The following CAMTA1 variants were observed in gnomAD, a reference collection of about 807,000 sequenced individuals.
CAMTA1 encodes calmodulin-binding transcription activator 1.
A neutral mutation model predicts 170.9 loss-of-function variants in CAMTA1; 27 were observed. The ratio of observed to expected loss-of-function variants is 0.16; its 90% CI spans 0.12 to 0.22. CAMTA1 has a LOEUF of 0.22. Among genes scored for constraint, CAMTA1 ranks in the 10% least tolerant of loss-of-function variants. The pLI, the probability that CAMTA1 is intolerant of heterozygous loss-of-function variation, is 1.00. For missense variants in CAMTA1, 1,619 were observed against 2,217.2 expected, an observed-to-expected ratio of 0.73 and a Z score of 5.42; for synonymous variants, 833 against 891.5, an observed-to-expected ratio of 0.93 and a Z score of 1.17.
chr1:6,960,645 C>T (rs1291317086), intron 3 of CAMTA1, among the ~76,000 whole-genome samples: 1 of 152,218 alleles, frequency 6.6e-6, no homozygotes, highest in African/African-American at 2.4e-5. Context: ...TCACATCGGA[C>T]ACGGATTTAT....
At chr1:6,890,062 G>T (rs1469338011) in intron 3 of CAMTA1, among the ~76,000 whole-genome samples, 1 of 152,190 alleles carries the variant, frequency 6.6e-6, no homozygotes, top group East Asian at 1.9e-4. Flanking sequence ...CCATGAGTTA[G>T]TGCCCTCTGG....
intron 3 of CAMTA1, among the ~76,000 whole-genome samples, chr1:7,012,176 G>A (rs965768979): frequency 2.6e-5 from 4 of 152,102 alleles, no homozygotes; most frequent in African/African-American, 4.8e-5. Context: ...GATACTGCCC[G>A]GTCAGGTGCT....
At chr1:7,518,957 G>A (rs569050078) in intron 6 of CAMTA1, among the ~76,000 whole-genome samples, 6 of 152,058 alleles carry the variant, frequency 3.9e-5, no homozygotes, top group East Asian at 3.9e-4. Flanking sequence ...GGGGGCCCCC[G>A]GCCCTGTGCC....
chr1:7,354,682 T>C (rs2149917562), intron 5 of CAMTA1, among the ~76,000 whole-genome samples: 1 of 152,374 alleles, frequency 6.6e-6, no homozygotes, highest in African/African-American at 2.4e-5. Context: ...CATTCCCACC[T>C]GCAATGTACA....
chr1:6,908,726 T>A (rs1021446140), intron 3 of CAMTA1, among the ~76,000 whole-genome samples: 31 of 152,204 alleles, frequency 2.0e-4, no homozygotes, highest in African/African-American at 7.2e-4. Flanking sequence ...GGTTATGGCA[T>A]TGTGAGCTCA....
chr1:7,355,274 C>T (rs1003785605), intron 5 of CAMTA1, among the ~76,000 whole-genome samples: 1 of 104,584 alleles, frequency 9.6e-6, no homozygotes, highest in African/African-American at 3.9e-5. Context: ...GTCCCAGCTA[C>T]TCGGGAGGCT....
At chr1:7,649,988 C>T (rs539512474) in intron 7 of CAMTA1, among the ~76,000 whole-genome samples, 20 of 152,206 alleles carry the variant, frequency 1.3e-4, no homozygotes, top group African/African-American at 3.9e-4. Flanking sequence ...AGCTCAGAGG[C>T]GGCTGCTCTG....
intron 5 of CAMTA1, among the ~76,000 whole-genome samples, chr1:7,363,909 A>G (rs1216850442): frequency 6.6e-6 from 1 of 152,202 alleles, no homozygotes; most frequent in African/African-American, 2.4e-5. Context: ...GGGACCGGGA[A>G]CACTTGGGAA....
intron 5 of CAMTA1, among the ~76,000 whole-genome samples, chr1:7,398,165 C>CTT (rs1397014381): frequency 3.3e-5 from 1 of 30,440 alleles, no homozygotes; most frequent in East Asian, 9.4e-4. Context: ...CTCTCTCTCT[C>CTT]TCTCTCTCTC....
At chr1:6,944,499 A>C (rs6675375) in intron 3 of CAMTA1, among the ~76,000 whole-genome samples, 82,896 of 151,892 alleles carry the variant, frequency 0.55, 23,038 homozygotes, top group Non-Finnish European at 0.61. Context: ...GCTCAGACAC[A>C]TGGGCACACT....
At position 6,945,366 on chromosome 1, in the gene CAMTA1, G is replaced by T. The variant is rs192655231; in HGVS notation, c.234+120156G>T. Among the ~76,000 whole-genome samples the T allele has an allele frequency of 2.4e-3, 358 of 151,486 alleles. 3 individuals carry two copies. The highest frequency in any genetic ancestry group is 9.2e-3 in the South Asian group (44 of 4,792). On this transcript the variant is annotated intron_variant, in intron 3 of 22. Coordinates refer to ENST00000303635, the MANE Select transcript of CAMTA1 (RefSeq NM_015215.4). ...TTTAATTTTTTAACTAATTTTTTTT[G>T]TGTGTGTGTGACAGGGTCTCACTCC...
At chr1:6,891,131 A>G (rs1674417557) in intron 3 of CAMTA1, among the ~76,000 whole-genome samples, 1 of 152,208 alleles carries the variant, frequency 6.6e-6, no homozygotes, top group South Asian at 2.1e-4. Context: ...CTCAAAGGCA[A>G]GCCTCCCCAC....
chr1:7,536,474 G>A (rs2094550340), intron 6 of CAMTA1, among the ~76,000 whole-genome samples: 1 of 152,172 alleles, frequency 6.6e-6, no homozygotes, highest in East Asian at 1.9e-4. Context: ...CCAAGTCTGT[G>A]ACCATTGGGT....
rs750720269 is a variant in CAMTA1 at position 7,580,735 on chromosome 1, G to A, written c.511-59665G>A. Among the ~76,000 whole-genome samples the A allele has an allele frequency of 4.6e-5, 7 of 152,186 alleles. No individual in the cohort carries two copies. Among genetic ancestry groups the A allele is most frequent in the Middle Eastern group, 3.4e-3 (1 of 294 alleles). On this transcript the variant is annotated intron_variant, in intron 6 of 22. Transcript: ENST00000303635. The surrounding 1 kb of genome is among the most constrained non-coding windows in gnomAD (Gnocchi z 4.3). ...TGCTGGTCTTCCTGGATGGGCTGCC[G>A]GTCGGAGGGAACTTGGCATTTGACT...
chr1:6,824,834 T>C (rs937652728), intron 2 of CAMTA1, among the ~76,000 whole-genome samples: 1 of 152,194 alleles, frequency 6.6e-6, no homozygotes, highest in African/African-American at 2.4e-5. Context: ...TATGGGCAGC[T>C]GCGGGGATTT....
chr1:6,849,742 A>AT (rs1659651637), intron 3 of CAMTA1, among the ~76,000 whole-genome samples: 4 of 152,240 alleles, frequency 2.6e-5, no homozygotes, highest in South Asian at 4.1e-4. Context: ...CACTTAAAAA[A>AT]TATTAGGTTA....
chr1:7,583,146 C>T (rs1439026708), intron 6 of CAMTA1, among the ~76,000 whole-genome samples: 1 of 152,076 alleles, frequency 6.6e-6, no homozygotes, highest in Non-Finnish European at 1.5e-5. Flanking sequence ...GGGGCGTTAG[C>T]AGGGGGCCTA....
chr1:7,145,409 G>A (rs551903068), intron 4 of CAMTA1, among the ~76,000 whole-genome samples: 2 of 152,324 alleles, frequency 1.3e-5, no homozygotes, highest in South Asian at 2.1e-4. Flanking sequence ...GAAGAAATTT[G>A]TTTAATAGTG....
At chr1:6,885,358 G>A (rs1301622668) in intron 3 of CAMTA1, among the ~76,000 whole-genome samples, 1 of 152,252 alleles carries the variant, frequency 6.6e-6, no homozygotes, top group Non-Finnish European at 1.5e-5. Flanking sequence ...GTCAGTGTGT[G>A]TGTGTAGGGG....
Sources: gnomAD v4.1 joint callset for allele counts (sites outside exome capture counted in the v4.1 genomes callset) on GRCh38, gnomAD v4.1.1 for gene constraint, Gnocchi (gnomAD v3.1) non-coding constraint, MANE v1.5 for transcripts, NCBI Gene and HGNC (gene_info 2026-07-23, HGNC 2026-07-21) for gene names.